The following TSEN15 variants were observed in gnomAD, a reference collection of about 807,000 sequenced individuals.
TSEN15 encodes tRNA splicing endonuclease subunit 15.
TSEN15 carries 10 observed loss-of-function variants against 20.5 expected under a neutral mutation model. That is an observed-to-expected ratio of 0.49 (90% CI 0.30 to 0.83). The LOEUF (loss-of-function observed/expected upper bound fraction) is 0.83, where lower values mean the gene tolerates loss of function less well. Among genes scored for constraint, TSEN15 ranks in the 40% least tolerant of loss-of-function variants. The pLI is 0.06. For synonymous variants in TSEN15, 72 were observed against 80.1 expected (o/e 0.90, Z 0.54); for missense variants, 180 against 218.6 (o/e 0.82, Z 1.11).
chr1:184,051,995 C>G, intron 1 of TSEN15, 105 bp downstream of exon 1: 1 of 1,167,404 alleles, frequency 8.6e-7, no homozygotes, highest in Non-Finnish European at 1.1e-6. Flanking sequence ...ACTGAGGACG[C>G]GCGCCACCCT....
chr1:184,075,909 TA>T (rs11288903), downstream of TSEN15, among the ~76,000 whole-genome samples: 20,981 of 107,960 alleles, frequency 0.19, 1,618 homozygotes, highest in East Asian at 0.42. Flanking sequence ...TATATATATA[TA>T]TTTTTTTTTT....
intron 3 of TSEN15, among the ~76,000 whole-genome samples, chr1:184,092,434 A>G (rs1391548300): frequency 2.0e-5 from 3 of 152,340 alleles, no homozygotes; most frequent in East Asian, 3.9e-4. Flanking sequence ...AATGTGTACA[A>G]ATAACTGCAG....
At chr1:184,071,147 CTTCAT>C (rs1270637090) in intron 3 of TSEN15, 6 of 152,026 alleles carry the variant, frequency 3.9e-5, no homozygotes, top group African/African-American at 9.7e-5. Flanking sequence ...GTACTACTAT[CTTCAT>C]TTCAAGTATC....
chr1:184,068,121 C>T (rs995428103), intron 3 of TSEN15, among the ~76,000 whole-genome samples: 8 of 151,118 alleles, frequency 5.3e-5, no homozygotes, highest in Non-Finnish European at 1.0e-4. Flanking sequence ...CCCTTTCACC[C>T]CTCTTTTTCC....
chr1:184,060,077 A>G (rs895037067), intron 3 of TSEN15, among the ~76,000 whole-genome samples: 1 of 152,348 alleles, frequency 6.6e-6, no homozygotes, highest in East Asian at 1.9e-4. Context: ...TGAACAGGCA[A>G]CTCACAGAAG....
rs933974383 is a variant in TSEN15 at position 184,054,528 on chromosome 1, A to G, written c.217+93A>G. 11 of 1,191,040 alleles carry G rather than the reference A, an allele frequency of 9.2e-6. No homozygotes were observed. The African/African-American group carries it at 1.4e-4, about 15-fold the overall frequency. The allele number at this position is 1,191,040 out of a possible 1,614,324, so 73.8% of individuals were successfully genotyped here. On this transcript the variant is annotated intron_variant, in intron 2 of 4. Transcript: ENST00000645668. ...TATAGCATTCTTAACATAATAAGCA[A>G]TCTTTTATGCATTTGCTGTTAATTT...
chr1:184,094,878 T>C (rs1651421704), intron 3 of TSEN15: 1 of 395,410 alleles, frequency 2.5e-6, no homozygotes, highest in Non-Finnish European at 4.4e-6. Flanking sequence ...CACTGAAGAG[T>C]CTGGGTGAAC....
chr1:184,070,707 A>G, intron 3 of TSEN15: 1 of 1,272,084 alleles, frequency 7.9e-7, no homozygotes, highest in Non-Finnish European at 1.0e-6. Context: ...GCCTTTTATC[A>G]CAGTGTGACT....
intron 3 of TSEN15, among the ~76,000 whole-genome samples, chr1:184,058,707 T>C (rs559747103): frequency 2.6e-5 from 4 of 152,196 alleles, no homozygotes; most frequent in African/African-American, 9.6e-5. Context: ...AAGAAATTCA[T>C]TGGGACATGT....
At chr1:184,080,011 A>G (rs1233690228) in intron 3 of TSEN15, among the ~76,000 whole-genome samples, 1 of 152,166 alleles carries the variant, frequency 6.6e-6, no homozygotes, top group African/African-American at 2.4e-5. Context: ...ACAACTTATG[A>G]TAAATAGTTT....
chr1:184,079,094 G>A (rs1272273685), downstream of TSEN15, among the ~76,000 whole-genome samples: 2 of 152,002 alleles, frequency 1.3e-5, no homozygotes, highest in African/African-American at 2.4e-5. Flanking sequence ...CCTTCTTTCT[G>A]GCCAATAACC....
rs1298897392 is a variant in TSEN15, at chr1:184,072,880, A to G, written c.*33A>G. The stretch of plus-strand genomic sequence containing the variant: ...GTTTCCTGATGCTTGTTTTATTCAT[A>G]CAAGATTGGATTTGAGACCCATCAG... On this transcript the variant is annotated 3_prime_UTR_variant, in exon 5 of 5. Coordinates refer to ENST00000645668, the MANE Select transcript of TSEN15 (RefSeq NM_052965.4). 2 of 1,596,198 alleles carry G rather than the reference A, an allele frequency of 1.3e-6. No homozygotes were observed. The highest frequency in any genetic ancestry group is 1.4e-5 in the African/African-American group (1 of 73,780).
At chr1:184,060,745 A>C (rs1347051108) in intron 3 of TSEN15, among the ~76,000 whole-genome samples, 2 of 151,710 alleles carry the variant, frequency 1.3e-5, no homozygotes, top group Admixed American at 6.6e-5. Flanking sequence ...TTTTTCCAAA[A>C]GATAATAAAA....
intron 3 of TSEN15, among the ~76,000 whole-genome samples, chr1:184,087,430 G>C (rs1033650040): frequency 2.0e-5 from 3 of 152,206 alleles, no homozygotes; most frequent in Non-Finnish European, 4.4e-5. Flanking sequence ...AACTAGGCCA[G>C]AAGCTAAGAA....
At chr1:184,088,006 G>A (rs1262889459) in intron 3 of TSEN15, among the ~76,000 whole-genome samples, 1 of 152,186 alleles carries the variant, frequency 6.6e-6, no homozygotes, top group African/African-American at 2.4e-5. Flanking sequence ...ACCACCACAA[G>A]GCTTCGTAAT....
chr1:184,094,838 A>T (rs1235974262), intron 3 of TSEN15: 2 of 391,344 alleles, frequency 5.1e-6, no homozygotes, highest in Non-Finnish European at 9.0e-6. Flanking sequence ...AGGGTAGGGG[A>T]TGAGGGAAGG....
At chr1:184,069,360 T>G (rs1650802296) in intron 3 of TSEN15, among the ~76,000 whole-genome samples, 1 of 152,150 alleles carries the variant, frequency 6.6e-6, no homozygotes, top group Non-Finnish European at 1.5e-5. Context: ...TTTTCATAGG[T>G]TGATTTCTAT....
intron 3 of TSEN15, among the ~76,000 whole-genome samples, chr1:184,090,983 A>G (rs1651346297): frequency 6.6e-6 from 1 of 152,108 alleles, no homozygotes. Flanking sequence ...TATTCCTAAG[A>G]CCCTTGATTA....
At chr1:184,079,421 AT>A (rs1274699629) in intron 3 of TSEN15, among the ~76,000 whole-genome samples, 4 of 152,172 alleles carry the variant, frequency 2.6e-5, no homozygotes, top group African/African-American at 9.6e-5. Context: ...AACAACAGAA[AT>A]TTATCTCCTT....
Sources: allele counts gnomAD v4.1 joint callset (sites outside exome capture counted in the v4.1 genomes callset), GRCh38; gene constraint gnomAD v4.1.1; transcripts MANE v1.5; gene names NCBI Gene and HGNC (gene_info 2026-07-23, HGNC 2026-07-21).